LRRC9: variants seen among roughly 807,000 people sequenced by gnomAD.
LRRC9 encodes leucine-rich repeat-containing protein 9.
LRRC9 carries 122 observed loss-of-function variants against 63.2 expected under a neutral mutation model. The observed-to-expected ratio is 1.93, with a 90% confidence interval of 1.67 to 2.24. LRRC9 has a LOEUF of 2.24. Ranked by LOEUF, LRRC9 falls within the 30% of genes most tolerant of loss-of-function variation. LRRC9 has a pLI of 0.00. For synonymous variants in LRRC9, 366 were observed against 213.1 expected (o/e 1.72, Z -6.25); for missense variants, 1,071 against 627.7 (o/e 1.71, Z -7.55).
chr14:60,014,643 A>G (rs1259006675), intron 23 of LRRC9, among the ~76,000 whole-genome samples: 1 of 152,074 alleles, frequency 6.6e-6, no homozygotes, highest in African/African-American at 2.4e-5. Context: ...CTTTATAGGT[A>G]AGATTTAATT....
At chr14:59,921,496 C>T (rs1888771801) in intron 1 of LRRC9, among the ~76,000 whole-genome samples, 1 of 151,938 alleles carries the variant, frequency 6.6e-6, no homozygotes, top group Non-Finnish European at 1.5e-5. Flanking sequence ...GAGGTATATG[C>T]AGAAGGATTT....
At chr14:59,928,277 A>C (rs1403041000) in exon 3 of LRRC9, 1 of 594,598 alleles carries the variant, frequency 1.7e-6, no homozygotes, top group African/African-American at 1.9e-5. Flanking sequence ...GTGTTTGTGC[A>C]ATGGCTTATC....
At chr14:59,982,359 C>A (rs1887020254) in intron 16 of LRRC9, among the ~76,000 whole-genome samples, 2 of 152,064 alleles carry the variant, frequency 1.3e-5, no homozygotes, top group African/African-American at 4.8e-5. Context: ...AGTTTGTTTT[C>A]TATTTCTATA....
At position 60,058,175 on chromosome 14, in the gene LRRC9, T is replaced by A. The variant is rs1484071319; in HGVS notation, c.4276+153T>A. 1.3e-5 allele frequency among the ~76,000 whole-genome samples: 2 copies of A among 152,182 alleles called. No homozygotes were observed. The highest frequency in any genetic ancestry group is 2.9e-5 in the Non-Finnish European group (2 of 68,012). On this transcript the variant is annotated intron_variant, in intron 31 of 31. Coordinates refer to ENST00000445360, the Ensembl canonical transcript of LRRC9. The surrounding 1 kb of genome is among the most constrained non-coding windows in gnomAD (Gnocchi z 4.4). ...TCAAGTTTCCTATGGCCATTTTGAT[T>A]TCAGAGATTATAGTTTTATTATTTT...
intron 22 of LRRC9, among the ~76,000 whole-genome samples, chr14:60,007,408 C>T (rs1012099256): frequency 6.6e-6 from 1 of 152,276 alleles, no homozygotes; most frequent in East Asian, 1.9e-4. Flanking sequence ...CCCCTCCATA[C>T]CTGCCAAGAC....
intron 8 of LRRC9, among the ~76,000 whole-genome samples, chr14:59,951,474 G>T (rs528759676): frequency 7.7e-6 from 1 of 130,162 alleles, no homozygotes; most frequent in Non-Finnish European, 1.7e-5. Context: ...TAATTTGATC[G>T]TCTGAAGCCT....
intron 29 of LRRC9, among the ~76,000 whole-genome samples, chr14:60,035,974 C>T (rs2140348805): frequency 6.6e-6 from 1 of 151,960 alleles, no homozygotes; most frequent in East Asian, 1.9e-4. Flanking sequence ...GCTGAAAGTA[C>T]AAGATCAAAA....
rs1889658899 is a variant in LRRC9, at chr14:60,004,600, C to A, written c.2842+802C>A. Among the ~76,000 whole-genome samples, 1 of 151,986 alleles carries A rather than the reference C, an allele frequency of 6.6e-6. No individual in the cohort carries two copies. The highest frequency in any genetic ancestry group is 1.5e-5 in the Non-Finnish European group (1 of 67,908). On this transcript the variant is annotated intron_variant, in intron 21 of 31. Coordinates refer to ENST00000445360, the Ensembl canonical transcript of LRRC9. The surrounding 1 kb of genome is among the most constrained non-coding windows in gnomAD (Gnocchi z 4.8). ...TCCAAGCTTCTTAGATTCTTCACTTCATTTGGATTTATGCTTATCTACAGC... is the reference window on the plus strand; with the variant it reads ...TCCAAGCTTCTTAGATTCTTCACTTAATTTGGATTTATGCTTATCTACAGC...
In LRRC9 at chr14:60,053,873, A is replaced by T. The variant is rs1377604980; in HGVS notation, c.4131+668A>T. 1 of 450,568 alleles carries T rather than the reference A, an allele frequency of 2.2e-6. No homozygotes were observed. Among genetic ancestry groups the T allele is most frequent in the Admixed American group, 2.4e-5 (1 of 41,178 alleles). The allele number at this position is 450,568 out of a possible 1,614,324, so 27.9% of individuals were successfully genotyped here. On this transcript the variant is annotated intron_variant, in intron 30 of 31. Coordinates refer to ENST00000445360, the Ensembl canonical transcript of LRRC9. The surrounding 1 kb of genome is among the most constrained non-coding windows in gnomAD (Gnocchi z 4.8). ...CACAGAAAATCTATGGTTTTTGAAC[A>T]GAGAAGTAACATTATTAGAATGCTG...
At chr14:60,061,816 T>G (rs192286974) in intron 31 of LRRC9, among the ~76,000 whole-genome samples, 195 bp from the exon 32 acceptor site, 1 of 152,342 alleles carries the variant, frequency 6.6e-6, no homozygotes, top group Admixed American at 6.5e-5. Context: ...TCACAGAAAT[T>G]TAAGCCACAT....
At chr14:60,043,166 T>C (rs1446064647) in intron 29 of LRRC9, among the ~76,000 whole-genome samples, 1 of 152,226 alleles carries the variant, frequency 6.6e-6, no homozygotes, top group East Asian at 1.9e-4. Context: ...CTTAACTGAA[T>C]TCATTTATTA....
chr14:60,035,232 A>T (rs1892332026), intron 29 of LRRC9, among the ~76,000 whole-genome samples: 1 of 151,524 alleles, frequency 6.6e-6, no homozygotes, highest in Non-Finnish European at 1.5e-5. Context: ...TTGAGCTCTT[A>T]TGTGTTCTGA....
chr14:60,050,174 T>C (rs185905818), intron 29 of LRRC9, among the ~76,000 whole-genome samples: 4 of 151,972 alleles, frequency 2.6e-5, no homozygotes, highest in Non-Finnish European at 5.9e-5. Context: ...TTTTTGTATT[T>C]TTAGTAGAGA....
At chr14:60,038,347 T>C (rs1892632370) in intron 29 of LRRC9, among the ~76,000 whole-genome samples, 1 of 152,224 alleles carries the variant, frequency 6.6e-6, no homozygotes, top group Non-Finnish European at 1.5e-5. Flanking sequence ...ATCTATAAAT[T>C]ACATTGGGCA....
At chr14:60,046,281 T>A (rs1054065529) in intron 29 of LRRC9, among the ~76,000 whole-genome samples, 1 of 152,196 alleles carries the variant, frequency 6.6e-6, no homozygotes, top group South Asian at 2.1e-4. Flanking sequence ...TTTAGTTAGA[T>A]CCCATTTGCC....
intron 12 of LRRC9, among the ~76,000 whole-genome samples, chr14:59,969,729 G>A (rs1038262356): frequency 1.2e-4 from 19 of 152,134 alleles, no homozygotes; most frequent in Admixed American, 3.9e-4. Flanking sequence ...CAGTAGTAAG[G>A]GTGGGAGAGT....
In LRRC9 at chr14:60,026,229, A is replaced by G. The variant is rs17096849; in HGVS notation, c.3704-1655A>G. On this transcript the variant is annotated intron_variant, in intron 27 of 31. Coordinates refer to ENST00000445360, the Ensembl canonical transcript of LRRC9. ...CAGAAAGATGAATGAAAGGCTGAGAAGAGCTTTGAAGACATTCTACCCCTT... is the reference window on the plus strand; with the variant it reads ...CAGAAAGATGAATGAAAGGCTGAGAGGAGCTTTGAAGACATTCTACCCCTT... Among the ~76,000 whole-genome samples the G allele has an allele frequency of 4.9e-3, 741 of 152,224 alleles. 10 individuals carry two copies. Among genetic ancestry groups the G allele is most frequent in the African/African-American group, 0.017 (701 of 41,564 alleles).
intron 29 of LRRC9, among the ~76,000 whole-genome samples, chr14:60,036,761 TTTATTA>T (rs1338858483): frequency 6.6e-6 from 1 of 152,062 alleles, no homozygotes; most frequent in African/African-American, 2.4e-5. Context: ...CTTCATGTAC[TTTATTA>T]TTATTTTTAT....
intron 24 of LRRC9, among the ~76,000 whole-genome samples, chr14:60,018,146 TG>T (rs1360611188): frequency 4.6e-4 from 70 of 152,030 alleles, no homozygotes; most frequent in South Asian, 4.1e-4. Flanking sequence ...GTGTTTTTTT[TG>T]AAAGCAACCA....
Sources: gnomAD v4.1 joint callset for allele counts (sites outside exome capture counted in the v4.1 genomes callset) on GRCh38, gnomAD v4.1.1 for gene constraint, Gnocchi (gnomAD v3.1) non-coding constraint, MANE v1.5 for transcripts, NCBI Gene and HGNC (gene_info 2026-07-23, HGNC 2026-07-21) for gene names.